Variants in CLPB observed in about 807,000 individuals in gnomAD.
CLPB encodes ClpB family mitochondrial disaggregase, also known as mitochondrial disaggregase.
A neutral mutation model predicts 78.4 loss-of-function variants in CLPB; 40 were observed. That is an observed-to-expected ratio of 0.51 (90% confidence interval 0.40 to 0.66). CLPB has a LOEUF of 0.66. CLPB is among the 30% of genes least tolerant of loss of function. The pLI, the probability that CLPB is intolerant of heterozygous loss-of-function variation, is 0.00. For synonymous variants in CLPB, 333 were observed against 348.0 expected, an observed-to-expected ratio of 0.96 and a Z score of 0.48; for missense variants, 780 against 886.9, an observed-to-expected ratio of 0.88 and a Z score of 1.53.
Position 72,294,650 on chromosome 11 carries a change from G to C in CLPB, c.1530C>G (p.Phe510Leu), listed in dbSNP as rs778078736. The change falls in exon 13 of 16, where the codon TTC becomes TTG. Residue 510 changes from phenylalanine to leucine, a missense_variant. Coordinates refer to ENST00000538039, the MANE Select transcript of CLPB (RefSeq NM_001258392.3). ...GGATAGGGCGAATCACATTCTCCTT[G>C]AAGTTCTTTGAGATGGTGATCTTGT... ...ISDKITISKN[F>L]KENVIRPILK... is the part of the protein sequence containing the mutation. 3.1e-6 allele frequency: 5 copies of C among 1,614,158 alleles called. No individual in the cohort carries two copies. The highest frequency in any genetic ancestry group is 4.2e-6 in the Non-Finnish European group (5 of 1,179,972).
chr11:72,397,174 T>C (rs1400058879), intron 3 of CLPB, among the ~76,000 whole-genome samples: 1 of 152,204 alleles, frequency 6.6e-6, no homozygotes, highest in African/African-American at 2.4e-5. Flanking sequence ...GGTAGCTTTT[T>C]GTGTTGGTTT....
intron 4 of CLPB, among the ~76,000 whole-genome samples, chr11:72,373,820 G>C (rs1951087929): frequency 6.6e-6 from 1 of 151,850 alleles, no homozygotes; most frequent in Non-Finnish European, 1.5e-5. Context: ...AATTAGCCGG[G>C]CGTGGTGGTG....
intron 2 of CLPB, among the ~76,000 whole-genome samples, chr11:72,409,734 T>C (rs1171612855): frequency 1.3e-5 from 2 of 152,124 alleles, no homozygotes; most frequent in Admixed American, 6.5e-5. Context: ...TCCCAGCACT[T>C]TGGAAGACGG....
intron 2 of CLPB, among the ~76,000 whole-genome samples, chr11:72,417,795 G>A (rs1856068083): frequency 6.6e-6 from 1 of 152,112 alleles, no homozygotes; most frequent in Non-Finnish European, 1.5e-5. Context: ...GAGATCCTGT[G>A]TGACCCATCT....
In CLPB at chr11:72,286,223, G is replaced by GTTTTTTTTTTCTTT. The variant is rs1205532935; in HGVS notation, c.*7143_*7144insAAAGAAAAAAAAAA. 1 of 60,450 alleles carries GTTTTTTTTTTCTTT rather than the reference G, an allele frequency of 1.7e-5. No individual in the cohort carries two copies. The highest frequency in any genetic ancestry group is 3.1e-5 in the Non-Finnish European group (1 of 32,212). The allele number at this position is 60,450 out of a possible 1,614,324, so 3.7% of individuals were successfully genotyped here. On this transcript the variant is annotated 3_prime_UTR_variant, in exon 16 of 16. Coordinates refer to ENST00000538039, the MANE Select transcript of CLPB (RefSeq NM_001258392.3). The stretch of plus-strand genomic sequence containing the variant: ...ATTACAGGTGTGAGATACTGCACCT[G>GTTTTTTTTTTCTTT]TTTTTTTTTTTTTTTTTTTTTTTAA...
At chr11:72,350,335 A>G (rs1418055434) in intron 5 of CLPB, among the ~76,000 whole-genome samples, 1 of 152,126 alleles carries the variant, frequency 6.6e-6, no homozygotes, top group Non-Finnish European at 1.5e-5. Context: ...CTCAAGCTAA[A>G]TGACAGGCTA....
chr11:72,373,806 T>C (rs1381891948), intron 4 of CLPB, among the ~76,000 whole-genome samples: 1 of 151,494 alleles, frequency 6.6e-6, no homozygotes, highest in Non-Finnish European at 1.5e-5. Flanking sequence ...AAAATAAAAA[T>C]AAAAATTAGC....
intron 4 of CLPB, among the ~76,000 whole-genome samples, chr11:72,372,716 G>C (rs1951066242): frequency 6.6e-6 from 1 of 152,058 alleles, no homozygotes; most frequent in Non-Finnish European, 1.5e-5. Flanking sequence ...GCTCTCTAGG[G>C]GATTCTTATT....
At chr11:72,331,819 C>T (rs1175407259) in intron 5 of CLPB, among the ~76,000 whole-genome samples, 5 of 152,030 alleles carry the variant, frequency 3.3e-5, no homozygotes, top group Non-Finnish European at 4.4e-5. Flanking sequence ...GGTGATCCTC[C>T]AACCTTGGTC....
chr11:72,390,897 T>C (rs1855233876), intron 3 of CLPB, among the ~76,000 whole-genome samples: 1 of 152,070 alleles, frequency 6.6e-6, no homozygotes, highest in African/African-American at 2.4e-5. Context: ...CAGTGGGGAG[T>C]TGCGGGCCAT....
intron 7 of CLPB, chr11:72,310,878 C>A (rs1565429972): frequency 6.6e-6 from 1 of 152,058 alleles, no homozygotes; most frequent in South Asian, 2.1e-4. Context: ...ACAAAAACAC[C>A]ATGGAGAATG....
intron 4 of CLPB, chr11:72,372,924 C>T: frequency 1.9e-6 from 3 of 1,613,446 alleles, no homozygotes; most frequent in Non-Finnish European, 2.5e-6. Context: ...AGTTCCATTA[C>T]CGCCAGCGGG....
At chr11:72,389,384 TCTC>T (rs1226679885) in intron 3 of CLPB, among the ~76,000 whole-genome samples, 2 of 152,286 alleles carry the variant, frequency 1.3e-5, no homozygotes, top group African/African-American at 2.4e-5. Context: ...AGTAGCAACT[TCTC>T]CTTTGTTCTG....
In CLPB at chr11:72,434,263, C is replaced by G. The variant is rs146099754; in HGVS notation, c.212G>C (p.Gly71Ala). The change falls in exon 1 of 16, where the codon GGG becomes GCG. Residue 71 changes from glycine to alanine, a missense_variant. Gly to Ala is a moderately conservative substitution (Grantham distance 60, BLOSUM62 0). Coordinates refer to ENST00000538039, the MANE Select transcript of CLPB (RefSeq NM_001258392.3). ...ALFSGRGAATGGRQGGRFDTK... is the reference protein window; with the variant it reads ...ALFSGRGAATAGRQGGRFDTK... Reference sequence around the variant, plus strand: ...ATCGAAGCGTCCTCCCTGGCGCCCCCCGGTGGCTGCCCCACGTCCGGAGAA... The same window carrying G: ...ATCGAAGCGTCCTCCCTGGCGCCCCGCGGTGGCTGCCCCACGTCCGGAGAA... The G allele has an allele frequency of 1.9e-4, 309 of 1,613,290 alleles. 2 individuals are homozygous for G. In the African/African-American group the frequency reaches 3.0e-3, roughly 15 times the overall value.
At chr11:72,295,249 C>T (rs1453484724) in intron 12 of CLPB, among the ~76,000 whole-genome samples, 2 of 152,226 alleles carry the variant, frequency 1.3e-5, no homozygotes, top group Admixed American at 1.3e-4. Flanking sequence ...TAGCTCTGTC[C>T]ATTCCTGCCT....
chr11:72,419,672 T>A (rs770958320), intron 2 of CLPB, among the ~76,000 whole-genome samples: 51 of 152,166 alleles, frequency 3.4e-4, no homozygotes, highest in Non-Finnish European at 6.5e-4. Flanking sequence ...TAAATAAAAG[T>A]TCCTTGTGCT....
chr11:72,366,107 C>T (rs1269631146), intron 4 of CLPB, among the ~76,000 whole-genome samples: 1 of 152,208 alleles, frequency 6.6e-6, no homozygotes, highest in East Asian at 1.9e-4. Context: ...AAACTATCAA[C>T]AGAGTAAACA....
At chr11:72,349,366 AATAC>A (rs1261444633) in intron 5 of CLPB, among the ~76,000 whole-genome samples, 1 of 152,220 alleles carries the variant, frequency 6.6e-6, no homozygotes, top group Non-Finnish European at 1.5e-5. Flanking sequence ...ACATTTAAAA[AATAC>A]TCATTTCCAA....
At chr11:72,383,444 T>C (rs190528745) in intron 3 of CLPB, among the ~76,000 whole-genome samples, 2 of 148,562 alleles carry the variant, frequency 1.3e-5, no homozygotes, top group East Asian at 4.0e-4. Flanking sequence ...GGCAGGAGAA[T>C]GGCGTGAACC....
Sources: gnomAD v4.1 joint callset for allele counts (sites outside exome capture counted in the v4.1 genomes callset) on GRCh38, gnomAD v4.1.1 for gene constraint, MANE v1.5 for transcripts, NCBI Gene and HGNC (gene_info 2026-07-23, HGNC 2026-07-21) for gene names.